RAPGEF4: variants seen among roughly 807,000 people sequenced by gnomAD.
RAPGEF4 encodes Rap guanine nucleotide exchange factor 4.
A neutral mutation model predicts 147.9 loss-of-function variants in RAPGEF4; 66 were observed. The ratio of observed to expected loss-of-function variants is 0.45; its 90% CI spans 0.37 to 0.55. RAPGEF4 has a LOEUF of 0.55. RAPGEF4 is among the 20% of genes least tolerant of loss of function. RAPGEF4 has a pLI of 0.00. For synonymous variants in RAPGEF4, 419 were observed against 442.7 expected, an observed-to-expected ratio of 0.95 and a Z score of 0.67; for missense variants, 1,071 against 1,257.3, an observed-to-expected ratio of 0.85 and a Z score of 2.24.
intron 18 of RAPGEF4, among the ~76,000 whole-genome samples, chr2:173,015,499 G>C (rs562512464): frequency 6.6e-6 from 1 of 152,334 alleles, no homozygotes; most frequent in South Asian, 2.1e-4. Context: ...TTCACAGCCA[G>C]AGGTGCGAGG....
At chr2:172,789,976 C>T (rs556340876) in intron 1 of RAPGEF4, among the ~76,000 whole-genome samples, 1 of 152,224 alleles carries the variant, frequency 6.6e-6, no homozygotes, top group Non-Finnish European at 1.5e-5. Flanking sequence ...CAGATAAATA[C>T]CCAGAAGTGA....
chr2:172,838,317 G>A (rs1250644692), intron 4 of RAPGEF4, among the ~76,000 whole-genome samples: 1 of 152,064 alleles, frequency 6.6e-6, no homozygotes, highest in African/African-American at 2.4e-5. Context: ...AAAGATCAGA[G>A]TCATGGTAAT....
intron 1 of RAPGEF4, among the ~76,000 whole-genome samples, chr2:172,776,984 G>A (rs1684232830): frequency 6.6e-6 from 1 of 151,958 alleles, no homozygotes. Flanking sequence ...TGCATCTATA[G>A]TAATTTATAT....
chr2:172,934,442 C>T (rs887148032), intron 6 of RAPGEF4, among the ~76,000 whole-genome samples: 3 of 152,128 alleles, frequency 2.0e-5, no homozygotes, highest in African/African-American at 4.8e-5. Context: ...TGAGCCACCA[C>T]GCCCAGCCCT....
intron 17 of RAPGEF4, among the ~76,000 whole-genome samples, chr2:173,007,179 A>G (rs1368521129): frequency 6.6e-6 from 1 of 152,214 alleles, no homozygotes; most frequent in Non-Finnish European, 1.5e-5. Context: ...GAACCCAAGC[A>G]GTGTATTGCA....
At chr2:173,036,797 G>A (rs1684076763) in intron 29 of RAPGEF4, 105 bp downstream of exon 29, 3 of 717,244 alleles carry the variant, frequency 4.2e-6, no homozygotes, top group South Asian at 2.3e-5. Flanking sequence ...TGCTAAAAAG[G>A]TAGTTACACA....
chr2:172,897,947 G>C (rs1480619540), intron 4 of RAPGEF4, among the ~76,000 whole-genome samples: 3 of 152,034 alleles, frequency 2.0e-5, no homozygotes, highest in Non-Finnish European at 4.4e-5. Flanking sequence ...ACAAGGTTAG[G>C]GGTAAGAAGT....
At chr2:173,017,231 G>A (rs764805640) in intron 20 of RAPGEF4, 27 bp downstream of exon 20, 3 of 1,604,598 alleles carry the variant, frequency 1.9e-6, no homozygotes, top group African/African-American at 2.7e-5. Flanking sequence ...TGCATTCTCT[G>A]TCTGTGTCCT....
At chr2:172,803,589 A>G (rs925066155) in intron 3 of RAPGEF4, among the ~76,000 whole-genome samples, 1 of 151,872 alleles carries the variant, frequency 6.6e-6, no homozygotes, top group Admixed American at 6.6e-5. Context: ...TGTCCTAGAG[A>G]CATTTTCCCC....
At chr2:173,048,525 G>T in intron 29 of RAPGEF4, 75 bp from the exon 30 acceptor site, 2 of 1,595,250 alleles carry the variant, frequency 1.3e-6, no homozygotes, top group African/African-American at 1.3e-5. Context: ...TTGCAGAAAT[G>T]GTTTGTTTTC....
intron 21 of RAPGEF4, among the ~76,000 whole-genome samples, chr2:173,017,937 C>T (rs1695660699): frequency 6.6e-6 from 1 of 152,170 alleles, no homozygotes; most frequent in Admixed American, 6.5e-5. Context: ...GATCAAGATG[C>T]TGGCTTTTGT....
intron 4 of RAPGEF4, among the ~76,000 whole-genome samples, chr2:172,878,748 G>T (rs555128225): frequency 2.6e-5 from 4 of 152,042 alleles, no homozygotes; most frequent in Non-Finnish European, 5.9e-5. Context: ...GAAAAAATGG[G>T]CAACAATGTG....
At chr2:172,981,585 C>T (rs896204417) in intron 10 of RAPGEF4, among the ~76,000 whole-genome samples, 7 of 152,172 alleles carry the variant, frequency 4.6e-5, no homozygotes, top group Admixed American at 3.3e-4. Context: ...TAGCATCTCC[C>T]GGGTCGTGGA....
chr2:172,829,014 G>T (rs1170908421), intron 4 of RAPGEF4, among the ~76,000 whole-genome samples: 1 of 152,194 alleles, frequency 6.6e-6, no homozygotes, highest in African/African-American at 2.4e-5. Context: ...AGGGAACAGG[G>T]ATCAGGAGCA....
intron 5 of RAPGEF4, 28 bp downstream of exon 5, chr2:172,917,902 T>G: frequency 1.3e-6 from 2 of 1,595,428 alleles, no homozygotes; most frequent in Non-Finnish European, 1.7e-6. Context: ...ACATTTTGTA[T>G]CTAAAAATTT....
intron 6 of RAPGEF4, among the ~76,000 whole-genome samples, chr2:172,939,490 C>A (rs1686932765): frequency 6.6e-6 from 1 of 151,980 alleles, no homozygotes; most frequent in South Asian, 2.1e-4. Context: ...AAATTTGGTT[C>A]TTTTCTTATT....
At chr2:173,025,743 C>T (rs1431726778) in intron 23 of RAPGEF4, among the ~76,000 whole-genome samples, 5 of 152,332 alleles carry the variant, frequency 3.3e-5, no homozygotes, top group South Asian at 2.1e-4. Flanking sequence ...GTGCCAGCCA[C>T]TTTTGTGACT....
At chr2:172,917,390 G>A in intron 4 of RAPGEF4, 7 of 470,132 alleles carry the variant, frequency 1.5e-5, no homozygotes, top group South Asian at 1.1e-4. Flanking sequence ...GAAAGAAGCT[G>A]ATTCAGTGCC....
intron 4 of RAPGEF4, among the ~76,000 whole-genome samples, chr2:172,825,588 T>C (rs766590487): frequency 6.4e-4 from 98 of 152,346 alleles, no homozygotes; most frequent in Non-Finnish European, 1.3e-3. Flanking sequence ...ATGAGTTAAA[T>C]ACATTGGCAT....
Sources: gnomAD v4.1 joint callset for allele counts (sites outside exome capture counted in the v4.1 genomes callset) on GRCh38, gnomAD v4.1.1 for gene constraint, MANE v1.5 for transcripts, NCBI Gene and HGNC (gene_info 2026-07-23, HGNC 2026-07-21) for gene names.